YTHDF2: variants seen among roughly 807,000 people sequenced by gnomAD.
The protein encoded by YTHDF2 is YTH domain-containing family protein 2.
A neutral mutation model predicts 50.4 loss-of-function variants in YTHDF2; 2 were observed. That is an observed-to-expected ratio of 0.04 (90% CI 0.02 to 0.12). The LOEUF is 0.12. YTHDF2 is among the 10% of genes least tolerant of loss of function. YTHDF2 has a pLI of 1.00. For synonymous variants in YTHDF2, 217 were observed against 255.6 expected (o/e 0.85, Z 1.44); for missense variants, 483 against 722.6 (o/e 0.67, Z 3.80).
intron 4 of YTHDF2, among the ~76,000 whole-genome samples, chr1:28,768,150 A>G (rs2088248964): frequency 6.6e-6 from 1 of 152,002 alleles, no homozygotes; most frequent in African/African-American, 2.4e-5. Context: ...GTGAGCGAAG[A>G]TCGCGCCATT....
intron 4 of YTHDF2, among the ~76,000 whole-genome samples, chr1:28,764,923 A>C (rs534508235): frequency 7.9e-5 from 12 of 151,862 alleles, no homozygotes; most frequent in African/African-American, 2.7e-4. Flanking sequence ...AAGTGCAGTG[A>C]CTATTCACAG....
intron 4 of YTHDF2, among the ~76,000 whole-genome samples, chr1:28,761,605 C>T (rs1217743509): frequency 6.6e-6 from 1 of 152,160 alleles, no homozygotes; most frequent in African/African-American, 2.4e-5. Context: ...GGCATGGTGG[C>T]GCACGCATGT....
intron 4 of YTHDF2, among the ~76,000 whole-genome samples, chr1:28,762,976 G>A (rs141117768): frequency 2.0e-5 from 3 of 152,146 alleles, no homozygotes; most frequent in African/African-American, 7.2e-5. Flanking sequence ...ACAGGCATGT[G>A]CCACCACGCT....
chr1:28,750,326 C>G (rs1013291829), intron 4 of YTHDF2, among the ~76,000 whole-genome samples: 3 of 152,032 alleles, frequency 2.0e-5, no homozygotes, highest in African/African-American at 7.3e-5. Flanking sequence ...TGTCAAAAGA[C>G]AAAGCTAGAA....
chr1:28,752,736 A>AT (rs1301030033), intron 4 of YTHDF2, among the ~76,000 whole-genome samples: 3 of 149,914 alleles, frequency 2.0e-5, no homozygotes, highest in Non-Finnish European at 4.4e-5. Flanking sequence ...GCTCTTAAAC[A>AT]TTTTTTTTCA....
intron 3 of YTHDF2, among the ~76,000 whole-genome samples, chr1:28,739,717 C>T (rs2087748406): frequency 1.3e-5 from 2 of 152,172 alleles, no homozygotes; most frequent in South Asian, 4.1e-4. Flanking sequence ...CTGTTTAGCA[C>T]AAATGAAGAT....
At chr1:28,764,322 A>T (rs895977348) in intron 4 of YTHDF2, among the ~76,000 whole-genome samples, 1 of 150,326 alleles carries the variant, frequency 6.7e-6, no homozygotes, top group African/African-American at 2.5e-5. Context: ...CCCAGGCTGG[A>T]GTACAGTGGC....
intron 4 of YTHDF2, among the ~76,000 whole-genome samples, chr1:28,757,501 C>G (rs1311799956): frequency 6.6e-6 from 1 of 152,176 alleles, no homozygotes; most frequent in Admixed American, 6.6e-5. Context: ...AGTGTGCCTA[C>G]TGCTTATGTC....
At chr1:28,755,487 A>T (rs915718555) in intron 4 of YTHDF2, among the ~76,000 whole-genome samples, 1 of 152,322 alleles carries the variant, frequency 6.6e-6, no homozygotes, top group South Asian at 2.1e-4. Context: ...TGATGAAAAC[A>T]TTAAAACACA....
intron 4 of YTHDF2, among the ~76,000 whole-genome samples, chr1:28,765,520 G>A (rs943881259): frequency 6.6e-6 from 1 of 151,860 alleles, no homozygotes; most frequent in Non-Finnish European, 1.5e-5. Flanking sequence ...CTAACTCCTG[G>A]GTTCAAGCTG....
At chr1:28,740,894 G>A (rs1316957830) in intron 3 of YTHDF2, among the ~76,000 whole-genome samples, 17 of 152,020 alleles carry the variant, frequency 1.1e-4, no homozygotes, top group Admixed American at 3.9e-4. Flanking sequence ...TGCTAGAGAC[G>A]GGGTTTTAAC....
intron 4 of YTHDF2, among the ~76,000 whole-genome samples, chr1:28,754,248 C>G (rs2088002864): frequency 6.6e-6 from 1 of 152,166 alleles, no homozygotes; most frequent in African/African-American, 2.4e-5. Flanking sequence ...ATCTATGAGG[C>G]TGGGTGAGTT....
intron 3 of YTHDF2, among the ~76,000 whole-genome samples, chr1:28,741,610 A>G (rs1008610013): frequency 1.3e-5 from 2 of 152,238 alleles, no homozygotes; most frequent in South Asian, 4.1e-4. Context: ...CTCATTTTAC[A>G]TCCTCCAGAA....
chr1:28,749,722 A>G (rs1462833886), intron 4 of YTHDF2, among the ~76,000 whole-genome samples: 1 of 151,508 alleles, frequency 6.6e-6, no homozygotes, highest in African/African-American at 2.4e-5. Flanking sequence ...TCAATGAATG[A>G]TGGAGCCGTG....
intron 4 of YTHDF2, among the ~76,000 whole-genome samples, chr1:28,761,124 TGTG>T (rs1175713692): frequency 1.4e-4 from 16 of 118,230 alleles, no homozygotes; most frequent in African/African-American, 4.9e-4. Context: ...TGTGTGTGTG[TGTG>T]TGTATTTTTT....
At chr1:28,760,895 T>G (rs1223141862) in intron 4 of YTHDF2, among the ~76,000 whole-genome samples, 2 of 152,124 alleles carry the variant, frequency 1.3e-5, no homozygotes, top group Non-Finnish European at 2.9e-5. Context: ...TGTTATTAAG[T>G]ATTATTTATT....
chr1:28,753,331 A>T (rs182632495), intron 4 of YTHDF2, among the ~76,000 whole-genome samples: 1 of 131,102 alleles, frequency 7.6e-6, no homozygotes, highest in Admixed American at 8.4e-5. Flanking sequence ...AGACCAGCCT[A>T]GGCAACATAA....
intron 4 of YTHDF2, among the ~76,000 whole-genome samples, chr1:28,752,610 C>T (rs2087972939): frequency 6.6e-6 from 1 of 151,640 alleles, no homozygotes; most frequent in Non-Finnish European, 1.5e-5. Flanking sequence ...TTAGTTACAT[C>T]GTGGAAATTG....
chr1:28,740,214 C>T (rs2087754815), intron 3 of YTHDF2: 1 of 152,184 alleles, frequency 6.6e-6, no homozygotes, highest in Admixed American at 6.5e-5. Flanking sequence ...AGTTTGCTTA[C>T]ATAATCATTA....
Sources: allele counts gnomAD v4.1 joint callset (sites outside exome capture counted in the v4.1 genomes callset), GRCh38; gene constraint gnomAD v4.1.1; transcripts MANE v1.5; gene names NCBI Gene and HGNC (gene_info 2026-07-23, HGNC 2026-07-21).